Variants in UST observed in about 807,000 individuals in gnomAD.
UST encodes chondroitin sulfate 2-O-sulfotransferase.
Under a neutral mutation model 45.6 loss-of-function variants are expected in UST, and 21 were observed. The observed-to-expected ratio is 0.46, with a 90% CI of 0.33 to 0.66. The LOEUF (loss-of-function observed/expected upper bound fraction) is 0.66, where lower values mean the gene tolerates loss of function less well. Among genes scored for constraint, UST ranks in the 30% least tolerant of loss-of-function variants. The probability of loss-of-function intolerance (pLI) is 0.02; values close to 1 mark genes in which losing one functional copy is unlikely to be tolerated. For missense variants in UST, 463 were observed against 512.4 expected (o/e 0.90, Z 0.93); for synonymous variants, 215 against 200.6 (o/e 1.07, Z -0.61).
chr6:148,790,186 G>A lies in UST; in HGVS notation c.247+42509G>A, dbSNP rs1776816802. Among the ~76,000 whole-genome samples the A allele has an allele frequency of 6.6e-6, 1 of 152,052 alleles. No individual in the cohort carries two copies. The highest frequency in any genetic ancestry group is 1.5e-5 in the Non-Finnish European group (1 of 68,018). Reference sequence around the variant, plus strand: ...TTCATGTAGCGTCTCCTCCTAAGGCGGCAGCCTCGCTGGGTGGATTGAGTG... The same window carrying A: ...TTCATGTAGCGTCTCCTCCTAAGGCAGCAGCCTCGCTGGGTGGATTGAGTG... On this transcript the variant is annotated intron_variant, in intron 1 of 7. Transcript: ENST00000367463. This position sits in a 1 kb window ranked among gnomAD's most constrained non-coding sequence, Gnocchi z 4.2.
intron 5 of UST, among the ~76,000 whole-genome samples, chr6:148,979,572 AC>A (rs1199729345): frequency 6.6e-6 from 1 of 152,212 alleles, no homozygotes; most frequent in Non-Finnish European, 1.5e-5. Context: ...AAGACCCTGT[AC>A]TTTGAGCAGT....
At chr6:148,837,440 T>C (rs1777806990) in intron 1 of UST, among the ~76,000 whole-genome samples, 1 of 152,172 alleles carries the variant, frequency 6.6e-6, no homozygotes, top group Non-Finnish European at 1.5e-5. Flanking sequence ...GACAGGTTAC[T>C]AAAAGGAGAT....
intron 7 of UST, among the ~76,000 whole-genome samples, chr6:149,059,666 C>T (rs1776623886): frequency 6.6e-6 from 1 of 152,142 alleles, no homozygotes. Flanking sequence ...TTAGTCGGTG[C>T]TCAGTACAGC....
chr6:149,004,882 G>A (rs770591992), intron 5 of UST, among the ~76,000 whole-genome samples: 7 of 152,152 alleles, frequency 4.6e-5, no homozygotes, highest in Non-Finnish European at 1.0e-4. Flanking sequence ...TGCCCAGGCC[G>A]GAATGCAGTG....
chr6:148,908,653 A>C (rs1779413937), intron 2 of UST, among the ~76,000 whole-genome samples: 1 of 152,224 alleles, frequency 6.6e-6, no homozygotes, highest in African/African-American at 2.4e-5. Context: ...GATTAATATC[A>C]AATTCTCTTT....
intron 7 of UST, among the ~76,000 whole-genome samples, chr6:149,052,709 G>A (rs1338450288): frequency 6.6e-6 from 1 of 152,200 alleles, no homozygotes; most frequent in Admixed American, 6.5e-5. Flanking sequence ...GAATTCTCAA[G>A]AACACAGTGT....
chr6:148,996,370 C>A (rs1170033872), intron 5 of UST, among the ~76,000 whole-genome samples: 1 of 152,144 alleles, frequency 6.6e-6, no homozygotes, highest in Non-Finnish European at 1.5e-5. Context: ...AGGCACTTGC[C>A]ACCATGCCCA....
At chr6:148,870,079 C>T (rs962702472) in intron 1 of UST, among the ~76,000 whole-genome samples, 2 of 144,818 alleles carry the variant, frequency 1.4e-5, no homozygotes, top group African/African-American at 2.6e-5. Flanking sequence ...GTTTAGCTTT[C>T]CCCCAGCTTC....
At chr6:148,913,904 C>A (rs1293702124) in intron 2 of UST, among the ~76,000 whole-genome samples, 1 of 152,180 alleles carries the variant, frequency 6.6e-6, no homozygotes, top group Non-Finnish European at 1.5e-5. Context: ...GCACTGGTTA[C>A]CAACTTATGG....
At chr6:148,931,863 A>G (rs1779927395) in intron 2 of UST, among the ~76,000 whole-genome samples, 2 of 152,238 alleles carry the variant, frequency 1.3e-5, no homozygotes, top group East Asian at 3.8e-4. Context: ...AGTGGACAGA[A>G]GCCGCCAAGC....
intron 2 of UST, among the ~76,000 whole-genome samples, chr6:148,938,650 C>A (rs1376670186): frequency 6.6e-6 from 1 of 151,902 alleles, no homozygotes; most frequent in Admixed American, 6.6e-5. Flanking sequence ...TGAAGGAATC[C>A]TTTGATTATT....
intron 3 of UST, among the ~76,000 whole-genome samples, chr6:148,945,773 T>A (rs1780223468): frequency 1.3e-5 from 2 of 152,212 alleles, no homozygotes; most frequent in African/African-American, 4.8e-5. Flanking sequence ...AGGGGAGTCT[T>A]AATGAGTGTT....
At chr6:148,952,754 T>C (rs1340294889) in intron 3 of UST, among the ~76,000 whole-genome samples, 2 of 152,240 alleles carry the variant, frequency 1.3e-5, no homozygotes, top group African/African-American at 2.4e-5. Context: ...CTTGAACTAT[T>C]TCATAAAACA....
chr6:148,807,224 T>G (rs1777168169), intron 1 of UST, among the ~76,000 whole-genome samples: 2 of 152,202 alleles, frequency 1.3e-5, no homozygotes, highest in South Asian at 4.1e-4. Context: ...CATTAGCCCC[T>G]TTACTGATAC....
intron 1 of UST, among the ~76,000 whole-genome samples, chr6:148,860,923 T>C (rs1746679540): frequency 1.3e-5 from 2 of 152,242 alleles, no homozygotes; most frequent in Non-Finnish European, 2.9e-5. Context: ...GATTTTTGCA[T>C]TGATGTTCAT....
chr6:149,019,072 C>T, intron 5 of UST, 67 bp from the exon 6 acceptor site: 1 of 1,154,628 alleles, frequency 8.7e-7, no homozygotes, highest in Non-Finnish European at 1.3e-6. Flanking sequence ...TTTACTTAAA[C>T]TGTGTGGCAT....
chr6:148,771,887 G>C (rs1056535651), intron 1 of UST, among the ~76,000 whole-genome samples: 1 of 152,126 alleles, frequency 6.6e-6, no homozygotes, highest in Admixed American at 6.5e-5. Flanking sequence ...TCCAGTCTAA[G>C]GTGCACACTA....
intron 1 of UST, among the ~76,000 whole-genome samples, chr6:148,756,572 T>G (rs936250554): frequency 6.6e-6 from 1 of 152,248 alleles, no homozygotes; most frequent in Admixed American, 6.5e-5. Flanking sequence ...TCTCGCTGCC[T>G]GCTTAGACTT....
chr6:149,064,195 G>A (rs966847734), intron 7 of UST, among the ~76,000 whole-genome samples: 1 of 152,276 alleles, frequency 6.6e-6, no homozygotes, highest in Non-Finnish European at 1.5e-5. Flanking sequence ...AGCCTTGTGA[G>A]CAGGCATCTC....
Sources: gnomAD v4.1 joint callset for allele counts (sites outside exome capture counted in the v4.1 genomes callset) on GRCh38, gnomAD v4.1.1 for gene constraint, Gnocchi (gnomAD v3.1) non-coding constraint, MANE v1.5 for transcripts, NCBI Gene and HGNC (gene_info 2026-07-23, HGNC 2026-07-21) for gene names.